The following EFR3B variants were observed in gnomAD, a reference collection of about 807,000 sequenced individuals.
EFR3B encodes the protein protein EFR3 homolog B.
In EFR3B, 64 loss-of-function variants were observed where a neutral mutation model predicts 104.7. That is an observed-to-expected ratio of 0.61 (90% confidence interval 0.50 to 0.75). EFR3B has a LOEUF of 0.75. EFR3B is among the 30% of genes least tolerant of loss of function. EFR3B has a pLI of 0.00. For missense variants in EFR3B, 750 were observed against 1,078.5 expected (o/e 0.70, Z 4.27); for synonymous variants, 385 against 417.9 (o/e 0.92, Z 0.96).
At chr2:25,092,309 C>T (rs1428834062) in intron 2 of EFR3B, among the ~76,000 whole-genome samples, 2 of 151,618 alleles carry the variant, frequency 1.3e-5, no homozygotes, top group Non-Finnish European at 2.9e-5. Flanking sequence ...ACCTTGTGAT[C>T]CGCCCACCTC....
At chr2:25,056,212 C>T (rs376238456) in intron 1 of EFR3B, among the ~76,000 whole-genome samples, 11 of 152,106 alleles carry the variant, frequency 7.2e-5, no homozygotes, top group African/African-American at 2.7e-4. Context: ...TATTAGAATA[C>T]AGCCATTTGA....
intron 5 of EFR3B, among the ~76,000 whole-genome samples, chr2:25,126,546 G>A (rs947290657): frequency 6.6e-6 from 1 of 152,058 alleles, no homozygotes; most frequent in African/African-American, 2.4e-5. Flanking sequence ...TGTTAGTAGA[G>A]ACGGGGTTTC....
At chr2:25,119,325 C>A (rs1669951729) in intron 4 of EFR3B, among the ~76,000 whole-genome samples, 1 of 152,212 alleles carries the variant, frequency 6.6e-6, no homozygotes, top group Admixed American at 6.5e-5. Context: ...TGTGTGTCTC[C>A]TTTGAGTGGA....
Position 25,131,490 on chromosome 2 carries a change from C to T in EFR3B, c.972C>T (p.Ala324=). The change falls in exon 9 of 23, where the codon GCC becomes GCT. Residue 324 remains alanine, a synonymous_variant. Coordinates refer to ENST00000403714, the MANE Select transcript of EFR3B (RefSeq NM_014971.2). The surrounding 1 kb of genome is among the most constrained non-coding windows in gnomAD (Gnocchi z 7.6). ...TGTCGGAAGCCGCGGTCATCGCTGC[C>T]ACCGGCTCTGTGGGTAAGGGGCATG... ...EVLSEAAVIA[A]TGSVGPTVLE... 6.5e-7 allele frequency: 1 copy of T among 1,549,664 alleles called. No individual in the cohort carries two copies. Among genetic ancestry groups the T allele is most frequent in the Non-Finnish European group, 8.7e-7 (1 of 1,146,836 alleles).
At chr2:25,070,524 A>G (rs1429447227) in intron 1 of EFR3B, among the ~76,000 whole-genome samples, 1 of 152,142 alleles carries the variant, frequency 6.6e-6, no homozygotes, top group African/African-American at 2.4e-5. Context: ...CAGCCTCCCA[A>G]AGTGCTAGGA....
rs1202842857 is a variant in EFR3B at position 25,137,110 on chromosome 2, T to G, written c.1561-231T>G. On this transcript the variant is annotated intron_variant, in intron 14 of 22. Coordinates refer to ENST00000403714, the MANE Select transcript of EFR3B (RefSeq NM_014971.2). This position sits in a 1 kb window ranked among gnomAD's most constrained non-coding sequence, Gnocchi z 4.7. Reference sequence around the variant, plus strand: ...ACTGTGTTCTGCTCCTACACCTGGATTTGGGCAGCAGCTTCTGGTGCTGGT... The same window carrying G: ...ACTGTGTTCTGCTCCTACACCTGGAGTTGGGCAGCAGCTTCTGGTGCTGGT... Among the ~76,000 whole-genome samples the G allele has an allele frequency of 6.6e-6, 1 of 152,114 alleles. No individual in the cohort carries two copies. Among genetic ancestry groups the G allele is most frequent in the East Asian group, 1.9e-4 (1 of 5,186 alleles).
chr2:25,097,665 C>T (rs1462707393), intron 3 of EFR3B, among the ~76,000 whole-genome samples: 4 of 152,142 alleles, frequency 2.6e-5, no homozygotes, highest in East Asian at 1.9e-4. Context: ...TTCAAGGCAT[C>T]GTTCATGGGC....
At position 25,094,282 on chromosome 2, in the gene EFR3B, C is replaced by CAAAAAAA. The variant is rs11455802; in HGVS notation, c.212+1165_212+1171dup. Among the ~76,000 whole-genome samples the CAAAAAAA allele has an allele frequency of 9.6e-4, 88 of 91,506 alleles. 4 individuals carry two copies. The highest frequency in any genetic ancestry group is 3.5e-3 in the African/African-American group (71 of 20,154). The allele number at this position is 91,506 out of a possible 152,430, so 60.0% of individuals were successfully genotyped here. A position where few individuals can be genotyped will look rare whatever the true frequency, so the allele number is the denominator to read the frequency against. On this transcript the variant is annotated intron_variant, in intron 3 of 22. Transcript: ENST00000403714. ...CCTGGGAGACAGATTGAGACTGTCT[C>CAAAAAAA]AAAAAAAAAAAAAAAAAAAGAAAAA...
chr2:25,059,364 A>G (rs969349902), intron 1 of EFR3B, among the ~76,000 whole-genome samples: 2 of 152,120 alleles, frequency 1.3e-5, no homozygotes, highest in African/African-American at 2.4e-5. Flanking sequence ...GATTACAGTC[A>G]TGAACCACCA....
intron 1 of EFR3B, among the ~76,000 whole-genome samples, chr2:25,059,307 C>T (rs1212863308): frequency 6.6e-6 from 1 of 152,048 alleles, no homozygotes; most frequent in Non-Finnish European, 1.5e-5. Context: ...TGGTCTCGAT[C>T]TCCTGACCTC....
chr2:25,140,297 ACT>A (rs10599017), intron 16 of EFR3B, among the ~76,000 whole-genome samples: 43,321 of 151,992 alleles, frequency 0.29, 6,472 homozygotes, highest in East Asian at 0.36. Context: ...ACAGAGCAAG[ACT>A]CTGTCTCAAA....
chr2:25,096,679 C>T (rs915042274), intron 3 of EFR3B, among the ~76,000 whole-genome samples: 1 of 152,180 alleles, frequency 6.6e-6, no homozygotes, highest in Non-Finnish European at 1.5e-5. Flanking sequence ...GGTGTTCTCT[C>T]TCACTTTGAC....
At chr2:25,069,046 G>C (rs1369743912) in intron 1 of EFR3B, among the ~76,000 whole-genome samples, 1 of 149,062 alleles carries the variant, frequency 6.7e-6, no homozygotes, top group Non-Finnish European at 1.5e-5. Flanking sequence ...TGATTCTCCT[G>C]CCTCAGCCTC....
intron 4 of EFR3B, among the ~76,000 whole-genome samples, chr2:25,120,812 A>G (rs569681188): frequency 6.6e-6 from 1 of 152,378 alleles, no homozygotes; most frequent in East Asian, 1.9e-4. Context: ...GGAGGAATCT[A>G]GCTGCCCAGG....
intron 1 of EFR3B, among the ~76,000 whole-genome samples, chr2:25,055,586 C>T (rs1667996009): frequency 6.6e-6 from 1 of 152,210 alleles, no homozygotes; most frequent in Admixed American, 6.5e-5. Flanking sequence ...CGTAGCTATT[C>T]ATAAAGACTT....
intron 4 of EFR3B, among the ~76,000 whole-genome samples, chr2:25,105,967 T>C (rs1253981422): frequency 6.6e-6 from 1 of 152,210 alleles, no homozygotes; most frequent in Non-Finnish European, 1.5e-5. Flanking sequence ...GACAAGCTAT[T>C]GTCAGTGAGT....
Position 25,137,188 on chromosome 2 carries a change from T to C in EFR3B, c.1561-153T>C, listed in dbSNP as rs1219078643. On this transcript the variant is annotated intron_variant, in intron 14 of 22. Coordinates refer to ENST00000403714, the MANE Select transcript of EFR3B (RefSeq NM_014971.2). This position sits in a 1 kb window ranked among gnomAD's most constrained non-coding sequence, Gnocchi z 4.7. ...GAGCCTTCCTGTGTGTGTCTGCTTC[T>C]GCCAGAGCCCGCTTTAAAGGCATCC... 6.6e-6 allele frequency among the ~76,000 whole-genome samples: 1 copy of C among 152,120 alleles called. No individual in the cohort carries two copies. Among genetic ancestry groups the C allele is most frequent in the Non-Finnish European group, 1.5e-5 (1 of 68,018 alleles).
chr2:25,080,283 C>CCTTTTTTT, intron 1 of EFR3B: 1 of 154,476 alleles, frequency 6.5e-6, no homozygotes, highest in African/African-American at 1.3e-4. Flanking sequence ...CTCCCCAAAG[C>CCTTTTTTT]TTTTTTTTTT....
chr2:25,130,197 G>A lies in EFR3B; in HGVS notation c.770+88G>A. On this transcript the variant is annotated intron_variant, in intron 7 of 22. Transcript: ENST00000403714. The surrounding 1 kb of genome is among the most constrained non-coding windows in gnomAD (Gnocchi z 4.6). ...GCATCTCCTGGCTGGCTGGGGGGAA[G>A]GGGATATTACAGTTGTGGTGCCGCA... The A allele has an allele frequency of 6.5e-7, 1 of 1,530,318 alleles. No homozygotes were observed. The highest frequency in any genetic ancestry group is 1.2e-5 in the South Asian group (1 of 82,238). 94.8% of individuals were successfully genotyped at this position (1,530,318 alleles called of 1,614,324 possible).
Sources: gnomAD v4.1 joint callset for allele counts (sites outside exome capture counted in the v4.1 genomes callset) on GRCh38, gnomAD v4.1.1 for gene constraint, Gnocchi (gnomAD v3.1) non-coding constraint, MANE v1.5 for transcripts, NCBI Gene and HGNC (gene_info 2026-07-23, HGNC 2026-07-21) for gene names.